The following RCAN2 variants were observed in gnomAD, a reference collection of about 807,000 sequenced individuals.
RCAN2 encodes calcipressin-2.
In RCAN2, 9 loss-of-function variants were observed where a neutral mutation model predicts 23.6. The observed-to-expected ratio is 0.38, with a 90% CI of 0.23 to 0.67. The LOEUF (loss-of-function observed/expected upper bound fraction) is 0.67, where lower values mean the gene tolerates loss of function less well. Among genes scored for constraint, RCAN2 ranks in the 30% least tolerant of loss-of-function variants. The pLI, the probability that RCAN2 is intolerant of heterozygous loss-of-function variation, is 0.51. For missense variants in RCAN2, 273 were observed against 302.3 expected (o/e 0.90, Z 0.72); for synonymous variants, 109 against 115.7 (o/e 0.94, Z 0.37).
At chr6:46,328,310 C>T (rs913103205) in intron 2 of RCAN2, among the ~76,000 whole-genome samples, 3 of 152,128 alleles carry the variant, frequency 2.0e-5, no homozygotes, top group Admixed American at 6.5e-5. Context: ...TCTGTATAAG[C>T]ATTAAATGAC....
intron 2 of RCAN2, chr6:46,325,545 C>A: frequency 1.2e-6 from 2 of 1,601,760 alleles, no homozygotes; most frequent in Non-Finnish European, 1.7e-6. Context: ...GGAAGAGCTT[C>A]CAGATGGATA....
intron 2 of RCAN2, among the ~76,000 whole-genome samples, chr6:46,444,767 C>A (rs1234365555): frequency 1.5e-4 from 23 of 152,148 alleles, no homozygotes; most frequent in Non-Finnish European, 2.9e-5. Context: ...TCCCAGTAGA[C>A]CTCACTGCTA....
At chr6:46,368,088 G>T (rs1765223108) in intron 2 of RCAN2, among the ~76,000 whole-genome samples, 1 of 152,166 alleles carries the variant, frequency 6.6e-6, no homozygotes, top group Admixed American at 6.5e-5. Context: ...GGAGCATATT[G>T]TCTCTATGGC....
chr6:46,321,365 C>A (rs947235406), intron 2 of RCAN2, among the ~76,000 whole-genome samples: 2 of 152,210 alleles, frequency 1.3e-5, no homozygotes, highest in Non-Finnish European at 2.9e-5. Context: ...ACTCCTAGGC[C>A]TAGAGCATTG....
At chr6:46,464,377 C>A (rs967796837) in intron 1 of RCAN2, among the ~76,000 whole-genome samples, 1 of 152,018 alleles carries the variant, frequency 6.6e-6, no homozygotes, top group Non-Finnish European at 1.5e-5. Flanking sequence ...AATAAATTTA[C>A]AATTAAATTT....
At chr6:46,431,142 T>C (rs1291213427) in intron 2 of RCAN2, among the ~76,000 whole-genome samples, 1 of 151,746 alleles carries the variant, frequency 6.6e-6, no homozygotes, top group Non-Finnish European at 1.5e-5. Context: ...TGTGTGTCTG[T>C]GTGTGTGTGT....
rs969522576 is a variant in RCAN2, at chr6:46,477,883, G to A, written c.-3+13290C>T. Among the ~76,000 whole-genome samples the A allele has an allele frequency of 2.6e-5, 4 of 152,300 alleles. No homozygotes were observed. The East Asian group carries it at 5.8e-4, about 22-fold the overall frequency. ...CCTACCATAAAATGGCTAACTCTAA[G>A]TATATGCAAATGTTTGATCAGCTGG... On this transcript the variant is annotated intron_variant, in intron 1 of 4. Coordinates refer to ENST00000371374, the MANE Select transcript of RCAN2 (RefSeq NM_001251974.2).
intron 2 of RCAN2, among the ~76,000 whole-genome samples, chr6:46,408,495 G>A (rs1766468825): frequency 6.6e-6 from 1 of 152,162 alleles, no homozygotes; most frequent in African/African-American, 2.4e-5. Flanking sequence ...CTATGTCATT[G>A]CAATATTCCC....
chr6:46,341,641 TAC>T (rs1456026124), intron 2 of RCAN2, among the ~76,000 whole-genome samples: 3 of 151,746 alleles, frequency 2.0e-5, no homozygotes, highest in African/African-American at 4.8e-5. Flanking sequence ...CTACTAAAAA[TAC>T]AAAAAATAGC....
chr6:46,323,893 C>A (rs1763701769), intron 2 of RCAN2, among the ~76,000 whole-genome samples: 1 of 152,172 alleles, frequency 6.6e-6, no homozygotes. Context: ...TTCTCATTAT[C>A]TTTTCTGAAA....
intron 2 of RCAN2, among the ~76,000 whole-genome samples, chr6:46,381,736 G>A (rs1765620540): frequency 6.6e-6 from 1 of 152,142 alleles, no homozygotes. Context: ...TGAGGTCACG[G>A]CATCCTGTTC....
chr6:46,412,145 G>A (rs890280092), intron 2 of RCAN2, among the ~76,000 whole-genome samples: 4 of 152,154 alleles, frequency 2.6e-5, no homozygotes, highest in Admixed American at 6.5e-5. Context: ...TTATGAGGTA[G>A]ATCTCCTGGG....
intron 2 of RCAN2, among the ~76,000 whole-genome samples, chr6:46,307,281 C>A (rs1365299466): frequency 6.6e-6 from 1 of 152,082 alleles, no homozygotes; most frequent in Non-Finnish European, 1.5e-5. Flanking sequence ...TAATACAACA[C>A]AGTAAGCGCA....
intron 2 of RCAN2, among the ~76,000 whole-genome samples, chr6:46,368,249 T>C (rs953810344): frequency 1.3e-5 from 2 of 152,214 alleles, no homozygotes; most frequent in African/African-American, 4.8e-5. Flanking sequence ...AAAGTGCCTA[T>C]TGTGTTTCAG....
chr6:46,345,651 TA>T (rs1169189551), intron 2 of RCAN2, among the ~76,000 whole-genome samples: 2 of 152,306 alleles, frequency 1.3e-5, no homozygotes, highest in Non-Finnish European at 2.9e-5. Flanking sequence ...AATGAGACAT[TA>T]TTTGCCTTTT....
chr6:46,309,445 C>G (rs1385555345), intron 2 of RCAN2, among the ~76,000 whole-genome samples: 1 of 152,146 alleles, frequency 6.6e-6, no homozygotes, highest in East Asian at 1.9e-4. Context: ...ACTGATTTCC[C>G]TTACCCCCAT....
intron 2 of RCAN2, among the ~76,000 whole-genome samples, chr6:46,418,916 C>T (rs1766787780): frequency 2.0e-5 from 3 of 151,438 alleles, no homozygotes; most frequent in Admixed American, 6.6e-5. Context: ...GGTGAAACCC[C>T]GTCTCTACTA....
In RCAN2 at chr6:46,223,073, T is replaced by C; in HGVS notation, c.*68A>G. The C allele has an allele frequency of 6.4e-7, 1 of 1,553,100 alleles. No individual in the cohort carries two copies. Among genetic ancestry groups the C allele is most frequent in the Non-Finnish European group, 8.7e-7 (1 of 1,145,362 alleles). On this transcript the variant is annotated 3_prime_UTR_variant, in exon 5 of 5. Transcript: ENST00000371374. ...CCCAGGAATTTAAAGGCAATTTTTT[T>C]TGACAAACAACAGGGGGAAAAAGCA... is the stretch of plus-strand genomic sequence containing the variant.
At chr6:46,360,533 CAAAAAAA>C (rs765916099) in intron 2 of RCAN2, among the ~76,000 whole-genome samples, 164 of 33,492 alleles carry the variant, frequency 4.9e-3, no homozygotes, top group Admixed American at 0.016. Context: ...GACTCCGTCT[CAAAAAAA>C]AAAAAAAAAA....
Sources: allele counts gnomAD v4.1 joint callset (sites outside exome capture counted in the v4.1 genomes callset), GRCh38; gene constraint gnomAD v4.1.1; transcripts MANE v1.5; gene names NCBI Gene and HGNC (gene_info 2026-07-23, HGNC 2026-07-21).